Variants in SIM2 observed in about 807,000 individuals in gnomAD.
The protein encoded by SIM2 is SIM bHLH transcription factor 2.
In SIM2, 28 loss-of-function variants were observed where a neutral mutation model predicts 64.8. That is an observed-to-expected ratio of 0.43 (90% CI 0.32 to 0.59). SIM2 has a LOEUF of 0.59. Among genes scored for constraint, SIM2 ranks in the 20% least tolerant of loss-of-function variants. The pLI is 0.07. For missense variants in SIM2, 847 were observed against 871.4 expected, an observed-to-expected ratio of 0.97 and a Z score of 0.35; for synonymous variants, 408 against 391.1, an observed-to-expected ratio of 1.04 and a Z score of -0.51.
chr21:36,712,650 C>A, intron 3 of SIM2, 28 bp downstream of exon 3: 1 of 1,458,602 alleles, frequency 6.9e-7, no homozygotes, highest in Non-Finnish European at 9.6e-7. Flanking sequence ...TTATGTGCAA[C>A]CAAAATATTA....
chr21:36,719,195 A>G (rs998859004), intron 3 of SIM2, among the ~76,000 whole-genome samples: 3 of 152,270 alleles, frequency 2.0e-5, no homozygotes, highest in Admixed American at 6.5e-5. Flanking sequence ...TAGCACAGTC[A>G]TCTCGGACTG....
intron 6 of SIM2, among the ~76,000 whole-genome samples, chr21:36,729,700 A>G (rs1447103623): frequency 2.0e-5 from 3 of 151,036 alleles, no homozygotes; most frequent in African/African-American, 7.3e-5. Flanking sequence ...GAATCCCTTC[A>G]TCCCTCTCTC....
intron 3 of SIM2, among the ~76,000 whole-genome samples, chr21:36,717,486 C>T (rs1160396452): frequency 7.4e-6 from 1 of 135,626 alleles, no homozygotes; most frequent in African/African-American, 2.8e-5. Context: ...CTTGCTCTGT[C>T]GCCCAGGCTG....
At chr21:36,710,604 AT>A (rs775481521) in intron 2 of SIM2, 2 of 53,242 alleles carry the variant, frequency 3.8e-5, no homozygotes, top group Non-Finnish European at 6.5e-5. Flanking sequence ...TAAAATAATA[AT>A]AAAAAAAATG....
chr21:36,745,137 G>A lies in SIM2; in HGVS notation c.1576+1G>A. On this transcript the variant is annotated splice_donor_variant, in intron 10 of 10. Coordinates refer to ENST00000290399, the MANE Select transcript of SIM2 (RefSeq NM_005069.6). LOFTEE classifies it high-confidence loss of function. The surrounding 1 kb of genome is among the most constrained non-coding windows in gnomAD (Gnocchi z 4.8). ...CACAGCCTGGTGCCAAGCTACGAAG[G>A]TGGGTCAGGTCTGCTCGTGGGGAAG... 1 of 1,607,866 alleles carries A rather than the reference G, an allele frequency of 6.2e-7. No individual in the cohort carries two copies. Among genetic ancestry groups the A allele is most frequent in the Non-Finnish European group, 8.5e-7 (1 of 1,176,738 alleles).
At chr21:36,705,218 A>G (rs897230811) in intron 1 of SIM2, among the ~76,000 whole-genome samples, 10 of 152,174 alleles carry the variant, frequency 6.6e-5, no homozygotes, top group Non-Finnish European at 1.0e-4. Flanking sequence ...CCCGCGCAGA[A>G]AGCTCCAGGA....
At chr21:36,709,101 C>T in intron 1 of SIM2, 67 bp from the exon 2 acceptor site, 1 of 1,415,032 alleles carries the variant, frequency 7.1e-7, no homozygotes, top group South Asian at 1.3e-5. Context: ...TTCCGCGTGA[C>T]CTGCCCGGCT....
intron 1 of SIM2, among the ~76,000 whole-genome samples, chr21:36,700,673 C>T (rs1021192627): frequency 6.6e-6 from 1 of 152,204 alleles, no homozygotes; most frequent in Non-Finnish European, 1.5e-5. Flanking sequence ...AGGCTGAGGC[C>T]ACAGAGCGAA....
chr21:36,741,968 T>C, intron 8 of SIM2, 104 bp downstream of exon 8: 1 of 1,175,542 alleles, frequency 8.5e-7, no homozygotes, highest in Non-Finnish European at 1.1e-6. Flanking sequence ...TCTCAAACTG[T>C]TCATTTGTCT....
Position 36,726,271 on chromosome 21 carries a change from C to T in SIM2, c.696C>T (p.Phe232=), listed in dbSNP as rs774713613. Residue 232 remains phenylalanine (F), a synonymous_variant, in exon 6 of 11, where the codon TTC becomes TTT. Transcript: ENST00000290399. The surrounding 1 kb of genome is among the most constrained non-coding windows in gnomAD (Gnocchi z 4.5). ...AGATCAAGCTGTACAGTAACATGTT[C>T]ATGTTCAGGGCCAGCCTTGACCTGA... is the stretch of plus-strand genomic sequence containing the variant. ...ITEIKLYSNM[F]MFRASLDLKL... is the part of the protein sequence containing the mutation. The T allele has an allele frequency of 3.1e-6, 5 of 1,613,768 alleles. 1 individual carries two copies. In the South Asian group the frequency reaches 4.4e-5, roughly 14 times the overall value.
At chr21:36,735,906 G>T (rs1240365138) in intron 7 of SIM2, among the ~76,000 whole-genome samples, 1 of 152,216 alleles carries the variant, frequency 6.6e-6, no homozygotes, top group Non-Finnish European at 1.5e-5. Flanking sequence ...GTGGCTGACA[G>T]CCCGGCTCAG....
intron 3 of SIM2, 71 bp downstream of exon 3, chr21:36,712,693 C>T: frequency 9.7e-7 from 1 of 1,030,598 alleles, no homozygotes; most frequent in Admixed American, 1.9e-5. Context: ...ACAGCCTCAC[C>T]CAACTTGAAA....
rs945103542 is a variant in SIM2, at chr21:36,747,544, A to G, written c.1577-121A>G. The stretch of plus-strand genomic sequence containing the variant: ...CTAGACTAAGGCGGGGGAGGGCGAC[A>G]GCGACCCCGCGGGTGCAGCGCGTGG... On this transcript the variant is annotated intron_variant, in intron 10 of 10. Coordinates refer to ENST00000290399, the MANE Select transcript of SIM2 (RefSeq NM_005069.6). This position sits in a 1 kb window ranked among gnomAD's most constrained non-coding sequence, Gnocchi z 4.5. 8.4e-6 allele frequency: 5 copies of G among 594,074 alleles called. No homozygotes were observed. Among genetic ancestry groups the G allele is most frequent in the Non-Finnish European group, 1.1e-5 (5 of 441,072 alleles). 36.8% of individuals were successfully genotyped at this position (594,074 alleles called of 1,614,324 possible).
At chr21:36,700,912 T>TA (rs1285577054) in intron 1 of SIM2, among the ~76,000 whole-genome samples, 3 of 152,104 alleles carry the variant, frequency 2.0e-5, no homozygotes, top group African/African-American at 7.2e-5. Context: ...CAGGAAGAAA[T>TA]AGTGGCGCGC....
chr21:36,700,799 AT>A (rs2088481885), intron 1 of SIM2, among the ~76,000 whole-genome samples: 2 of 152,346 alleles, frequency 1.3e-5, no homozygotes, highest in African/African-American at 4.8e-5. Context: ...GGTCCGATTA[AT>A]TCGAAAATGG....
At chr21:36,715,195 G>T (rs775111141) in intron 3 of SIM2, among the ~76,000 whole-genome samples, 8 of 152,198 alleles carry the variant, frequency 5.3e-5, no homozygotes, top group Non-Finnish European at 1.0e-4. Context: ...ACGGTGAACT[G>T]TTTAAATAAG....
chr21:36,728,265 T>C (rs2088918839), intron 6 of SIM2, among the ~76,000 whole-genome samples: 1 of 152,182 alleles, frequency 6.6e-6, no homozygotes, highest in Admixed American at 6.5e-5. Flanking sequence ...CGTCTCCTAG[T>C]TTTCCTCTGG....
chr21:36,741,274 A>G (rs796091801), intron 7 of SIM2, among the ~76,000 whole-genome samples: 6 of 152,356 alleles, frequency 3.9e-5, no homozygotes, highest in African/African-American at 1.4e-4. Flanking sequence ...ACAGCTTGAC[A>G]CTTGGTTGAA....
chr21:36,715,537 G>A (rs2088735722), intron 3 of SIM2, among the ~76,000 whole-genome samples: 1 of 152,136 alleles, frequency 6.6e-6, no homozygotes, highest in African/African-American at 2.4e-5. Context: ...AATAACGATA[G>A]TAGTAATAGC....
Sources: allele counts gnomAD v4.1 joint callset (sites outside exome capture counted in the v4.1 genomes callset), GRCh38; gene constraint gnomAD v4.1.1; non-coding constraint Gnocchi (gnomAD v3.1); transcripts MANE v1.5; gene names NCBI Gene and HGNC (gene_info 2026-07-23, HGNC 2026-07-21).